The following ARID3B variants were observed in gnomAD, a reference collection of about 807,000 sequenced individuals.
The protein encoded by ARID3B is AT-rich interaction domain 3B, also known as AT-rich interactive domain-containing protein 3B.
Under a neutral mutation model 51.9 loss-of-function variants are expected in ARID3B, and 10 were observed. That is an observed-to-expected ratio of 0.19 (90% CI 0.12 to 0.33). The LOEUF is 0.33. Among genes scored for constraint, ARID3B ranks in the 10% least tolerant of loss-of-function variants. ARID3B has a pLI of 1.00. For missense variants in ARID3B, 483 were observed against 716.3 expected (o/e 0.67, Z 3.72); for synonymous variants, 205 against 279.5 (o/e 0.73, Z 2.66).
chr15:74,585,893 G>T (rs2061779860), intron 4 of ARID3B, among the ~76,000 whole-genome samples: 2 of 152,196 alleles, frequency 1.3e-5, no homozygotes, highest in Admixed American at 6.5e-5. Flanking sequence ...TTTGTGTCTG[G>T]ATTATCTGAT....
intron 8 of ARID3B, among the ~76,000 whole-genome samples, chr15:74,594,219 C>T (rs900577568): frequency 2.6e-5 from 4 of 152,226 alleles, no homozygotes; most frequent in African/African-American, 4.8e-5. Flanking sequence ...GAGGCCAAGG[C>T]GGGTGGATCA....
intron 2 of ARID3B, among the ~76,000 whole-genome samples, chr15:74,556,967 G>A (rs2061660838): frequency 6.6e-6 from 1 of 151,592 alleles, no homozygotes; most frequent in Non-Finnish European, 1.5e-5. Context: ...AGTAGAGACA[G>A]GGTTTCACCA....
At chr15:74,556,776 G>GTTTTTTTTTTTTTT in intron 2 of ARID3B, among the ~76,000 whole-genome samples, 1 of 122,542 alleles carries the variant, frequency 8.2e-6, no homozygotes, top group Non-Finnish European at 1.7e-5. Flanking sequence ...TTTGTTTTTT[G>GTTTTTTTTTTTTTT]TTTTTTTTTT....
At chr15:74,552,056 C>CTTTTTTTTTTTT (rs869096001) in intron 2 of ARID3B, among the ~76,000 whole-genome samples, 2 of 102,630 alleles carry the variant, frequency 1.9e-5, no homozygotes, top group African/African-American at 8.1e-5. Context: ...TCTTTCTTTC[C>CTTTTTTTTTTTT]TTTTTTTTTT....
Position 74,579,374 on chromosome 15 carries a change from A to G in ARID3B, c.697+6170A>G, listed in dbSNP as rs553841796. 1.2e-3 allele frequency among the ~76,000 whole-genome samples: 177 copies of G among 152,250 alleles called. 2 individuals carry two copies. Among genetic ancestry groups the G allele is most frequent in the African/African-American group, 4.0e-3 (167 of 41,542 alleles). On this transcript the variant is annotated intron_variant, in intron 4 of 8. Coordinates refer to ENST00000346246, the MANE Select transcript of ARID3B (RefSeq NM_006465.4). ...GGCGCAGTGCCCTGTGGGGGTGGAA[A>G]GAGCTCTGGACTGGCAGTGCAAAGC...
chr15:74,568,709 GT>G (rs1465355630), intron 2 of ARID3B, among the ~76,000 whole-genome samples: 1 of 152,122 alleles, frequency 6.6e-6, no homozygotes, highest in Non-Finnish European at 1.5e-5. Context: ...CAAACTATCA[GT>G]TTCCTGTGAG....
intron 4 of ARID3B, among the ~76,000 whole-genome samples, chr15:74,580,052 A>G (rs1187770347): frequency 2.0e-5 from 3 of 152,178 alleles, no homozygotes; most frequent in Admixed American, 1.3e-4. Flanking sequence ...TTAACCAGGC[A>G]TGGTGGCACA....
At chr15:74,587,552 G>A (rs1207634897) in intron 4 of ARID3B, among the ~76,000 whole-genome samples, 1 of 152,176 alleles carries the variant, frequency 6.6e-6, no homozygotes, top group Admixed American at 6.5e-5. Context: ...GTGTGAAGAT[G>A]CCCTAGGAGC....
intron 2 of ARID3B, among the ~76,000 whole-genome samples, chr15:74,570,641 A>AT (rs1277093399): frequency 6.6e-6 from 1 of 152,196 alleles, no homozygotes; most frequent in East Asian, 1.9e-4. Flanking sequence ...CCCCCATTAA[A>AT]TGTCTTTCAA....
chr15:74,548,646 A>G (rs913917719), intron 2 of ARID3B, among the ~76,000 whole-genome samples: 1 of 152,196 alleles, frequency 6.6e-6, no homozygotes, highest in African/African-American at 2.4e-5. Flanking sequence ...AAGCTTGCTA[A>G]TCACATGTGT....
rs1448228799 is a variant in ARID3B, at chr15:74,543,850, A to C, written c.-77-10A>C. On this transcript the variant is annotated splice_polypyrimidine_tract_variant and intron_variant, in intron 1 of 8. Transcript: ENST00000346246. The stretch of plus-strand genomic sequence containing the variant: ...CCCCTCCTTCTTTGTGGTTTCTGTT[A>C]ATCACTAAGGTTTAGACCCAGTGTG... 4 of 1,494,720 alleles carry C rather than the reference A, an allele frequency of 2.7e-6. No individual in the cohort carries two copies. Among genetic ancestry groups the C allele is most frequent in the South Asian group, 1.3e-5 (1 of 75,666 alleles). The allele number at this position is 1,494,720 out of a possible 1,614,324, so 92.6% of individuals were successfully genotyped here.
rs530412982 is a variant in ARID3B, at chr15:74,589,809, G to A, written c.698-11G>A. The A allele has an allele frequency of 5.0e-6, 8 of 1,593,710 alleles. No individual in the cohort carries two copies. In the East Asian group the frequency reaches 1.6e-4, roughly 31 times the overall value. The stretch of plus-strand genomic sequence containing the variant: ...ATCCCGCTGTCTCTTTCTCTCGTTG[G>A]ACAACCACAGGGACCCCCATCAACC... On this transcript the variant is annotated splice_polypyrimidine_tract_variant and intron_variant, in intron 4 of 8. Transcript: ENST00000346246.
intron 4 of ARID3B, among the ~76,000 whole-genome samples, chr15:74,576,319 G>A (rs1260130644): frequency 6.6e-6 from 1 of 152,030 alleles, no homozygotes; most frequent in Non-Finnish European, 1.5e-5. Context: ...AAATTGTCCC[G>A]TTGAGACCCT....
intron 4 of ARID3B, chr15:74,573,588 A>G (rs912960623): frequency 1.6e-5 from 4 of 245,558 alleles, no homozygotes; most frequent in Admixed American, 5.1e-5. Flanking sequence ...GGTAAGTGAA[A>G]GAAAAGAGGC....
intron 2 of ARID3B, among the ~76,000 whole-genome samples, chr15:74,566,428 G>A (rs575710807): frequency 7.9e-5 from 12 of 151,780 alleles, no homozygotes; most frequent in African/African-American, 2.7e-4. Flanking sequence ...GGTAAAACCC[G>A]TCTCTACTAA....
intron 2 of ARID3B, among the ~76,000 whole-genome samples, chr15:74,567,560 C>G (rs978525552): frequency 1.1e-4 from 17 of 152,008 alleles, no homozygotes; most frequent in African/African-American, 4.1e-4. Context: ...AGAAAGGGCC[C>G]CTAGAGACCA....
intron 4 of ARID3B, among the ~76,000 whole-genome samples, chr15:74,586,948 CTG>C (rs2061783944): frequency 3.9e-5 from 6 of 152,228 alleles, no homozygotes; most frequent in East Asian, 1.9e-4. Flanking sequence ...TGGAAGAACA[CTG>C]TGAAGGATTT....
chr15:74,563,812 T>C (rs2061687750), intron 2 of ARID3B, among the ~76,000 whole-genome samples: 1 of 152,224 alleles, frequency 6.6e-6, no homozygotes, highest in Admixed American at 6.5e-5. Context: ...TATCAGGGTG[T>C]CCTCATCACC....
rs748969981 is a variant in ARID3B, at chr15:74,543,974, A to C, written c.38A>C (p.Gln13Pro). 3.6e-6 allele frequency: 5 copies of C among 1,383,100 alleles called. No individual in the cohort carries two copies. In the African/African-American group the frequency reaches 6.2e-5, roughly 17 times the overall value. The allele number at this position is 1,383,100 out of a possible 1,614,324, so 85.7% of individuals were successfully genotyped here. A position where few individuals can be genotyped will look rare whatever the true frequency, so the allele number is the denominator to read the frequency against. The stretch of plus-strand genomic sequence containing the variant: ...CAGCAGCAGCAGCAGCAGCAGCAGC[A>C]ACAACAGAAGCAGCCACACCTGGCT... The part of the protein sequence containing the change: ...PLQQQQQQQQ[Q>P]QQKQPHLAPL... The change falls in exon 2 of 9, where the codon CAA becomes CCA. Residue 13 changes from glutamine (Q) to proline (P), a missense_variant. Physicochemically the swap from Gln to Pro is moderately conservative, Grantham distance 76. Transcript: ENST00000346246.
Sources: allele counts gnomAD v4.1 joint callset (sites outside exome capture counted in the v4.1 genomes callset), GRCh38; gene constraint gnomAD v4.1.1; transcripts MANE v1.5; gene names NCBI Gene and HGNC (gene_info 2026-07-23, HGNC 2026-07-21).